COPZ1: variants seen among roughly 807,000 people sequenced by gnomAD.
The protein encoded by COPZ1 is coatomer subunit zeta-1.
COPZ1 carries 4 observed loss-of-function variants against 31.7 expected under a neutral mutation model. The ratio of observed to expected loss-of-function variants is 0.13; its 90% confidence interval spans 0.06 to 0.29. The LOEUF (loss-of-function observed/expected upper bound fraction) is 0.29, where lower values mean the gene tolerates loss of function less well. COPZ1 is among the 10% of genes least tolerant of loss of function. The probability of loss-of-function intolerance (pLI) is 1.00; values close to 1 mark genes in which losing one functional copy is unlikely to be tolerated. For synonymous variants in COPZ1, 74 were observed against 79.0 expected (o/e 0.94, Z 0.33); for missense variants, 156 against 211.5 (o/e 0.74, Z 1.63).
intron 1 of COPZ1, among the ~76,000 whole-genome samples, chr12:54,334,042 G>A (rs1953809072): frequency 6.6e-6 from 1 of 152,026 alleles, no homozygotes; most frequent in Non-Finnish European, 1.5e-5. Flanking sequence ...GCTGCAGTGA[G>A]CTGTGATGGC....
intron 1 of COPZ1, among the ~76,000 whole-genome samples, chr12:54,326,961 CTTTTTTTTTTTTT>C (rs60827109): frequency 2.3e-3 from 100 of 43,548 alleles, no homozygotes; most frequent in South Asian, 5.1e-3. Flanking sequence ...AACAAGTATT[CTTTTTTTTTTTTT>C]TTTTTTTTTT....
chr12:54,335,298 C>T lies in COPZ1; in HGVS notation c.19-5249C>T, dbSNP rs117653956. On this transcript the variant is annotated intron_variant, in intron 1 of 8. Coordinates refer to ENST00000262061, the MANE Select transcript of COPZ1 (RefSeq NM_016057.3). Reference sequence around the variant, plus strand: ...TCTAGTTTTTACCTTCTTAGTTTTACTTTATAAACAGGATTGAGACAAGAG... The same window carrying T: ...TCTAGTTTTTACCTTCTTAGTTTTATTTTATAAACAGGATTGAGACAAGAG... Among the ~76,000 whole-genome samples, 187 of 151,796 alleles carry T rather than the reference C, an allele frequency of 1.2e-3. 1 individual carries two copies. In the East Asian group the frequency reaches 0.024, roughly 19 times the overall value.
chr12:54,344,909 T>C (rs1250286243), intron 4 of COPZ1: 2 of 152,286 alleles, frequency 1.3e-5, no homozygotes, highest in Non-Finnish European at 2.9e-5. Flanking sequence ...CCCACCACCA[T>C]GCCTGGCTAA....
intron 1 of COPZ1, among the ~76,000 whole-genome samples, chr12:54,333,856 A>G (rs189567847): frequency 2.1e-4 from 32 of 152,254 alleles, no homozygotes; most frequent in Admixed American, 6.5e-5. Flanking sequence ...ATTTGGTCTC[A>G]TGTCAGCTGG....
rs1244321157 is a variant in COPZ1, at chr12:54,345,468, T to G, written c.270T>G (p.Leu90=). ...CCTCTGTTTCCCAACAGCTGATGCT[T>G]ATGGCTGTTCTGAACTGTCTCTTCG... ...IGSSYENELM[L]MAVLNCLFDS... is the part of the protein sequence containing the mutation. The change falls in exon 5 of 9, where the codon CTT becomes CTG. Residue 90 remains leucine (L), a synonymous_variant. Coordinates refer to ENST00000262061, the MANE Select transcript of COPZ1 (RefSeq NM_016057.3). 1 of 1,613,268 alleles carries G rather than the reference T, an allele frequency of 6.2e-7. No individual in the cohort carries two copies. The highest frequency in any genetic ancestry group is 1.1e-5 in the South Asian group (1 of 91,060).
At chr12:54,330,372 T>A (rs1160587921) in intron 1 of COPZ1, among the ~76,000 whole-genome samples, 1 of 152,206 alleles carries the variant, frequency 6.6e-6, no homozygotes, top group Non-Finnish European at 1.5e-5. Flanking sequence ...CGGCTTGAAC[T>A]AAAACCCCCA....
intron 2 of COPZ1, among the ~76,000 whole-genome samples, 170 bp from the exon 3 acceptor site, chr12:54,342,036 C>T (rs1014288690): frequency 2.6e-5 from 4 of 152,182 alleles, no homozygotes; most frequent in African/African-American, 9.7e-5. Flanking sequence ...TCTTGGATTA[C>T]TCACTGCCCA....
chr12:54,343,125 G>GGGATTACAGGCATGAGCCACTGC, intron 3 of COPZ1, 100 bp from the exon 4 acceptor site: 1 of 912,654 alleles, frequency 1.1e-6, no homozygotes, highest in Admixed American at 1.8e-5. Flanking sequence ...CCAAGGTGCT[G>GGGATTACAGGCATGAGCCACTGC]GGATTACAGG....
At chr12:54,345,679 C>T (rs775000616) in intron 5 of COPZ1, among the ~76,000 whole-genome samples, 164 bp downstream of exon 5, 10 of 152,016 alleles carry the variant, frequency 6.6e-5, no homozygotes, top group Admixed American at 2.0e-4. Context: ...TGGGTTTTGC[C>T]GGGCTCAGTG....
intron 4 of COPZ1, among the ~76,000 whole-genome samples, chr12:54,343,612 A>G (rs144903343): frequency 6.6e-6 from 1 of 152,310 alleles, no homozygotes; most frequent in East Asian, 1.9e-4. Context: ...TCAAGACTGC[A>G]GGGGGATACT....
intron 1 of COPZ1, among the ~76,000 whole-genome samples, chr12:54,332,511 C>A (rs575370648): frequency 6.6e-6 from 1 of 151,830 alleles, no homozygotes; most frequent in East Asian, 1.9e-4. Flanking sequence ...CTGAGGCAGG[C>A]GGATCACCTG....
Position 54,350,723 on chromosome 12 carries a change from G to C in COPZ1, c.*200G>C, listed in dbSNP as rs1184800873. On this transcript the variant is annotated 3_prime_UTR_variant, in exon 9 of 9. Coordinates refer to ENST00000262061, the MANE Select transcript of COPZ1 (RefSeq NM_016057.3). ...TTTTTCATTCTTCTTGCAGTTCTGGGAGTAAAGCTCCCAGCATATTTAGAT... is the reference window on the plus strand; with the variant it reads ...TTTTTCATTCTTCTTGCAGTTCTGGCAGTAAAGCTCCCAGCATATTTAGAT... 2 of 600,008 alleles carry C rather than the reference G, an allele frequency of 3.3e-6. No individual in the cohort carries two copies. The highest frequency in any genetic ancestry group is 6.0e-6 in the Non-Finnish European group (2 of 333,770). 37.2% of individuals were successfully genotyped at this position (600,008 alleles called of 1,614,324 possible).
chr12:54,345,710 T>C (rs1405117414), intron 5 of COPZ1, among the ~76,000 whole-genome samples, 195 bp downstream of exon 5: 1 of 152,042 alleles, frequency 6.6e-6, no homozygotes, highest in Admixed American at 6.6e-5. Flanking sequence ...GTAATCCCAG[T>C]ACTTTGGGAG....
intron 1 of COPZ1, among the ~76,000 whole-genome samples, chr12:54,328,241 A>C (rs1592195262): frequency 1.4e-5 from 2 of 138,350 alleles, no homozygotes; most frequent in Admixed American, 8.0e-5. Context: ...GCGCCACTGC[A>C]CTCCAGCCCA....
chr12:54,339,980 CGTGTGT>C (rs10522684), intron 1 of COPZ1, among the ~76,000 whole-genome samples: 5,519 of 142,104 alleles, frequency 0.039, 187 homozygotes, highest in South Asian at 0.12. Context: ...TGTGCCTGTG[CGTGTGT>C]GTGTGTGTGT....
intron 1 of COPZ1, chr12:54,340,328 C>A (rs1337716568): frequency 3.3e-5 from 21 of 641,422 alleles, no homozygotes; most frequent in East Asian, 9.1e-5. Context: ...TCTGATGGTA[C>A]TTTGGAATCC....
chr12:54,328,245 C>T (rs1043108328), intron 1 of COPZ1, among the ~76,000 whole-genome samples: 1 of 142,526 alleles, frequency 7.0e-6, no homozygotes, highest in African/African-American at 2.6e-5. Flanking sequence ...CACTGCACTC[C>T]AGCCCAGGCG....
At chr12:54,335,270 CCTT>C (rs1050662317) in intron 1 of COPZ1, among the ~76,000 whole-genome samples, 17 of 151,652 alleles carry the variant, frequency 1.1e-4, no homozygotes, top group East Asian at 3.9e-4. Context: ...AGGAATTTCT[CCTT>C]CTAGTTTTTA....
In COPZ1 at chr12:54,337,017, C is replaced by A. The variant is rs555306172; in HGVS notation, c.19-3530C>A. 5.3e-5 allele frequency among the ~76,000 whole-genome samples: 4 copies of A among 75,992 alleles called. No individual in the cohort carries two copies. In the East Asian group the frequency reaches 2.0e-3, roughly 38 times the overall value. The allele number at this position is 75,992 out of a possible 152,430, so 49.9% of individuals were successfully genotyped here. On this transcript the variant is annotated intron_variant, in intron 1 of 8. Coordinates refer to ENST00000262061, the MANE Select transcript of COPZ1 (RefSeq NM_016057.3). The stretch of plus-strand genomic sequence containing the variant: ...AGCCTGGGTGACAGAGAGAGACTGT[C>A]GCAAAAAAAAAAAAAAAAAAAAAAA...
Sources: gnomAD v4.1 joint callset for allele counts (sites outside exome capture counted in the v4.1 genomes callset) on GRCh38, gnomAD v4.1.1 for gene constraint, MANE v1.5 for transcripts, NCBI Gene and HGNC (gene_info 2026-07-23, HGNC 2026-07-21) for gene names.